The following EIF4E3 variants were observed in gnomAD, a reference collection of about 807,000 sequenced individuals.
The protein encoded by EIF4E3 is eukaryotic translation initiation factor 4E family member 3, also known as eukaryotic translation initiation factor 4E type 3.
A neutral mutation model predicts 31.7 loss-of-function variants in EIF4E3; 26 were observed. That is an observed-to-expected ratio of 0.82 (90% CI 0.60 to 1.14). The LOEUF is 1.14. EIF4E3 is among the 50% of genes most tolerant of loss of function. The probability of loss-of-function intolerance (pLI) is 0.00; values close to 1 mark genes in which losing one functional copy is unlikely to be tolerated. For missense variants in EIF4E3, 304 were observed against 270.9 expected, an observed-to-expected ratio of 1.12 and a Z score of -0.86; for synonymous variants, 128 against 107.7, an observed-to-expected ratio of 1.19 and a Z score of -1.17.
intron 4 of EIF4E3, 34 bp downstream of exon 4, chr3:71,696,426 C>T (rs78161596): frequency 0.02 from 31,800 of 1,612,694 alleles, 391 homozygotes; most frequent in African/African-American, 0.052. Flanking sequence ...CTCCAAGCCT[C>T]GCCGGTTCTA....
intron 6 of EIF4E3, among the ~76,000 whole-genome samples, chr3:71,686,767 CTGGGG>C (rs1000580487): frequency 1.3e-5 from 2 of 152,016 alleles, no homozygotes; most frequent in African/African-American, 4.8e-5. Context: ...GAGGGGCAGT[CTGGGG>C]TGGTCATAGT....
intron 1 of EIF4E3, among the ~76,000 whole-genome samples, chr3:71,731,892 A>AT (rs1444734765): frequency 6.6e-6 from 1 of 152,220 alleles, no homozygotes; most frequent in Non-Finnish European, 1.5e-5. Flanking sequence ...ATTTCCAAAT[A>AT]TATTTAGAGA....
chr3:71,671,210 C>T (rs560136667), downstream of EIF4E3, among the ~76,000 whole-genome samples: 1 of 152,156 alleles, frequency 6.6e-6, no homozygotes, highest in Non-Finnish European at 1.5e-5. Context: ...AGTGCCCTCT[C>T]TGTTGCAGGA....
chr3:71,732,838 T>G (rs2049721049), intron 1 of EIF4E3, among the ~76,000 whole-genome samples: 1 of 152,244 alleles, frequency 6.6e-6, no homozygotes, highest in African/African-American at 2.4e-5. Context: ...GCCATGTGCT[T>G]TGGGACAAAT....
chr3:71,682,280 T>C lies in EIF4E3; in HGVS notation c.*2402A>G, dbSNP rs1578327445. On this transcript the variant is annotated 3_prime_UTR_variant, in exon 7 of 7. Transcript: ENST00000425534. ...GGTTTCTGCATGGTTCTTTGCAGAC[T>C]ACAAGGCTGCCCCTGCAAGCACTTG... is the stretch of plus-strand genomic sequence containing the variant. The C allele has an allele frequency of 1.3e-5, 2 of 152,334 alleles. No homozygotes were observed. The highest frequency in any genetic ancestry group is 4.8e-5 in the African/African-American group (2 of 41,584). 9.4% of individuals were successfully genotyped at this position (152,334 alleles called of 1,614,324 possible).
the EIF4E3 span, among the ~76,000 whole-genome samples, chr3:71,661,839 G>A: frequency 7.2e-5 from 11 of 152,226 alleles, no homozygotes; most frequent in Admixed American, 2.0e-4. Flanking sequence ...TGCTTAACAC[G>A]AGTCTGGCAT....
chr3:71,724,640 G>A (rs2049602562), intron 1 of EIF4E3, among the ~76,000 whole-genome samples: 1 of 152,218 alleles, frequency 6.6e-6, no homozygotes, highest in Non-Finnish European at 1.5e-5. Flanking sequence ...GGAAATACCT[G>A]CCCAGTGGAT....
intron 3 of EIF4E3, among the ~76,000 whole-genome samples, chr3:71,697,183 T>C (rs954434700): frequency 2.0e-5 from 3 of 152,048 alleles, no homozygotes; most frequent in African/African-American, 7.2e-5. Context: ...ACCTGGCTAA[T>C]TTTTAAAATT....
downstream of EIF4E3, among the ~76,000 whole-genome samples, chr3:71,673,405 T>C (rs530977926): frequency 3.7e-4 from 57 of 152,166 alleles, no homozygotes; most frequent in Admixed American, 7.2e-4. Flanking sequence ...CTTTCAAAGA[T>C]GTTTAAAAAG....
upstream of EIF4E3, among the ~76,000 whole-genome samples, chr3:71,727,675 T>C (rs1449905764): frequency 6.6e-6 from 1 of 152,246 alleles, no homozygotes; most frequent in Non-Finnish European, 1.5e-5. Context: ...TGAATTTATA[T>C]ATAGCTGATA....
At chr3:71,693,809 T>C (rs1325560797) in intron 5 of EIF4E3, 66 bp downstream of exon 5, 5 of 1,376,436 alleles carry the variant, frequency 3.6e-6, no homozygotes, top group East Asian at 2.6e-5. Context: ...AACAAGCTGC[T>C]GCAAGAAACA....
intron 2 of EIF4E3, among the ~76,000 whole-genome samples, chr3:71,701,473 G>A (rs1218168061): frequency 6.6e-6 from 1 of 152,162 alleles, no homozygotes; most frequent in Non-Finnish European, 1.5e-5. Flanking sequence ...CCATTTGTTT[G>A]GAGTAGGTCA....
rs940358600 is a variant in EIF4E3 at position 71,683,492 on chromosome 3, T to C, written c.*1190A>G. 1 of 152,272 alleles carries C rather than the reference T, an allele frequency of 6.6e-6. No homozygotes were observed. The allele number at this position is 152,272 out of a possible 1,614,324, so 9.4% of individuals were successfully genotyped here. On this transcript the variant is annotated 3_prime_UTR_variant, in exon 7 of 7. Coordinates refer to ENST00000425534, the MANE Select transcript of EIF4E3 (RefSeq NM_001134651.2). ...TCAGCGTATTCTGAGCTAGTCTCCA[T>C]GGTCCAGAGGATGACCATTTCCTTC...
At chr3:71,754,117 C>G, upstream of EIF4E3, 1 of 1,418,842 alleles carries the variant, frequency 7.0e-7, no homozygotes, top group Non-Finnish European at 9.3e-7. The surrounding 1 kb of genome is among the most constrained non-coding windows in gnomAD (Gnocchi z 5.8). Flanking sequence ...CTCAAGCTGG[C>G]CACGCTCAGC....
At chr3:71,705,687 A>G (rs1198171179) in intron 2 of EIF4E3, among the ~76,000 whole-genome samples, 1 of 152,232 alleles carries the variant, frequency 6.6e-6, no homozygotes, top group Non-Finnish European at 1.5e-5. Flanking sequence ...TGTAGCAGAT[A>G]AGGCTGAAAG....
intron 1 of EIF4E3, 90 bp from the exon 2 acceptor site, chr3:71,710,574 TA>T (rs951568582): frequency 6.1e-6 from 8 of 1,317,198 alleles, no homozygotes; most frequent in Admixed American, 2.1e-5. Flanking sequence ...CACGTCTTCC[TA>T]AAAATCAGGT....
At position 71,684,491 on chromosome 3, in the gene EIF4E3, C is replaced by A. The variant is rs578137884; in HGVS notation, c.*191G>T. 1 of 449,822 alleles carries A rather than the reference C, an allele frequency of 2.2e-6. No individual in the cohort carries two copies. Among genetic ancestry groups the A allele is most frequent in the Non-Finnish European group, 3.8e-6 (1 of 261,368 alleles). The allele number at this position is 449,822 out of a possible 1,614,324, so 27.9% of individuals were successfully genotyped here. On this transcript the variant is annotated 3_prime_UTR_variant, in exon 7 of 7. Coordinates refer to ENST00000425534, the MANE Select transcript of EIF4E3 (RefSeq NM_001134651.2). ...TTTTTTTAAAAAGCAAGTAATGTGA[C>A]GGTAGAAACCCACACAATCTCCCCC...
chr3:71,718,381 G>A (rs2049497087), intron 1 of EIF4E3, among the ~76,000 whole-genome samples: 1 of 152,176 alleles, frequency 6.6e-6, no homozygotes, highest in Non-Finnish European at 1.5e-5. Context: ...TCATTTAAAG[G>A]TTTTATTTCT....
upstream of EIF4E3, among the ~76,000 whole-genome samples, chr3:71,730,338 C>T (rs954278336): frequency 6.6e-6 from 1 of 152,184 alleles, no homozygotes; most frequent in African/African-American, 2.4e-5. Context: ...ATCTAGGGTA[C>T]AGATAACAAG....
Sources: allele counts gnomAD v4.1 joint callset (sites outside exome capture counted in the v4.1 genomes callset), GRCh38; gene constraint gnomAD v4.1.1; non-coding constraint Gnocchi (gnomAD v3.1); transcripts MANE v1.5; gene names NCBI Gene and HGNC (gene_info 2026-07-23, HGNC 2026-07-21).